Variants in PTPRD observed in about 807,000 individuals in gnomAD.
PTPRD encodes the protein protein tyrosine phosphatase receptor type D.
In PTPRD, 34 loss-of-function variants were observed where a neutral mutation model predicts 214.5. The ratio of observed to expected loss-of-function variants is 0.16; its 90% CI spans 0.12 to 0.21. The LOEUF (loss-of-function observed/expected upper bound fraction) is 0.21. Ranked by LOEUF, PTPRD falls within the 10% of genes least tolerant of loss-of-function variation. PTPRD has a pLI of 1.00. For synonymous variants in PTPRD, 1,128 were observed against 845.7 expected (o/e 1.33, Z -5.79); for missense variants, 2,545 against 2,398.7 (o/e 1.06, Z -1.27).
At chr9:8,504,518 T>C in intron 22 of PTPRD, 113 bp from the exon 23 acceptor site, 2 of 1,231,562 alleles carry the variant, frequency 1.6e-6, no homozygotes, top group East Asian at 2.3e-5. Context: ...CTCATCAAAA[T>C]ATCACCAAAA....
intron 5 of PTPRD, among the ~76,000 whole-genome samples, chr9:9,929,944 C>G (rs910539791): frequency 3.3e-5 from 5 of 152,032 alleles, no homozygotes; most frequent in African/African-American, 9.7e-5. Flanking sequence ...ATGAGGACAC[C>G]AGAGATAATG....
At chr9:8,455,500 T>C (rs977041424) in intron 33 of PTPRD, among the ~76,000 whole-genome samples, 1 of 152,152 alleles carries the variant, frequency 6.6e-6, no homozygotes, top group East Asian at 1.9e-4. Context: ...TTTCAGTGAG[T>C]TCCCAGTTGC....
intron 2 of PTPRD, among the ~76,000 whole-genome samples, chr9:10,569,966 T>C (rs1000282506): frequency 6.6e-6 from 1 of 152,154 alleles, no homozygotes; most frequent in Non-Finnish European, 1.5e-5. Flanking sequence ...ATATATAATA[T>C]GTCTATAAAA....
Position 10,341,553 on chromosome 9 carries a change from G to C in PTPRD, c.-599-536C>G, listed in dbSNP as rs192332080. On this transcript the variant is annotated intron_variant, in intron 2 of 45. Transcript: ENST00000381196. Reference sequence around the variant, plus strand: ...GTTATGTCTTCACACTTTCAATATTGTTAAGCATGTGTCAAGATGGCCACA... The same window carrying C: ...GTTATGTCTTCACACTTTCAATATTCTTAAGCATGTGTCAAGATGGCCACA... Among the ~76,000 whole-genome samples, 20 of 152,026 alleles carry C rather than the reference G, an allele frequency of 1.3e-4. No individual in the cohort carries two copies. In the East Asian group the frequency reaches 3.5e-3, roughly 27 times the overall value.
At chr9:8,571,352 A>T (rs1333923624) in intron 14 of PTPRD, among the ~76,000 whole-genome samples, 1 of 152,154 alleles carries the variant, frequency 6.6e-6, no homozygotes, top group Non-Finnish European at 1.5e-5. Context: ...TTTCCATAAC[A>T]TGCACTCTCA....
At chr9:10,343,244 T>C (rs1397231757) in intron 2 of PTPRD, among the ~76,000 whole-genome samples, 2 of 152,072 alleles carry the variant, frequency 1.3e-5, no homozygotes, top group Admixed American at 6.6e-5. Flanking sequence ...TTTCTGTTCC[T>C]GTGTTAGTTT....
intron 3 of PTPRD, among the ~76,000 whole-genome samples, chr9:10,076,099 C>G (rs1332018105): frequency 3.9e-5 from 6 of 152,066 alleles, no homozygotes; most frequent in Non-Finnish European, 8.8e-5. Context: ...ATTTTCACTG[C>G]CAACATCTTC....
intron 31 of PTPRD, among the ~76,000 whole-genome samples, chr9:8,466,400 G>A (rs541310167): frequency 6.6e-6 from 1 of 151,808 alleles, no homozygotes; most frequent in Admixed American, 6.6e-5. Context: ...TTTTAGTACT[G>A]CCCTGAAGAA....
At chr9:8,558,702 T>A (rs2084955078) in intron 14 of PTPRD, among the ~76,000 whole-genome samples, 1 of 152,236 alleles carries the variant, frequency 6.6e-6, no homozygotes, top group Non-Finnish European at 1.5e-5. Flanking sequence ...TTTAGGTCAG[T>A]TGTCATCACT....
intron 4 of PTPRD, among the ~76,000 whole-genome samples, chr9:9,991,832 C>CCACACACACACACACA (rs56267970): frequency 1.4e-5 from 2 of 147,638 alleles, no homozygotes; most frequent in African/African-American, 5.0e-5. Flanking sequence ...TTCAACAGCA[C>CCACACACACACACACA]CACACACACA....
chr9:9,245,735 G>A (rs373316033), intron 9 of PTPRD, among the ~76,000 whole-genome samples: 1 of 152,054 alleles, frequency 6.6e-6, no homozygotes, highest in Non-Finnish European at 1.5e-5. Flanking sequence ...AAACCTGCAC[G>A]TTGTGCACAT....
intron 2 of PTPRD, among the ~76,000 whole-genome samples, chr9:10,370,437 C>G (rs1044963941): frequency 6.6e-6 from 1 of 152,038 alleles, no homozygotes; most frequent in Non-Finnish European, 1.5e-5. Context: ...TAAGAATTCT[C>G]TGACATAGTA....
intron 35 of PTPRD, among the ~76,000 whole-genome samples, chr9:8,414,515 G>C (rs2093754734): frequency 6.6e-6 from 1 of 151,986 alleles, no homozygotes; most frequent in Non-Finnish European, 1.5e-5. Flanking sequence ...GAACAGTTGT[G>C]CTCCCCAAAG....
chr9:9,043,862 C>A (rs371503416), intron 10 of PTPRD, among the ~76,000 whole-genome samples: 8 of 150,376 alleles, frequency 5.3e-5, no homozygotes, highest in African/African-American at 1.7e-4. Context: ...TGAGATCGCA[C>A]CACTGTACTC....
chr9:9,433,738 G>T lies in PTPRD; in HGVS notation c.-236-36256C>A, dbSNP rs962227835. On this transcript the variant is annotated intron_variant, in intron 8 of 45. Coordinates refer to ENST00000381196, the MANE Select transcript of PTPRD (RefSeq NM_002839.4). ...ATTACTGCATACATATTTACAAGTC[G>T]CAAAAGAATAGCATGCCACTTTAAT... 3.3e-4 allele frequency among the ~76,000 whole-genome samples: 50 copies of T among 151,972 alleles called. 1 individual carries two copies. The highest frequency in any genetic ancestry group is 1.1e-3 in the African/African-American group (46 of 41,362).
chr9:8,791,616 C>A (rs968554669), intron 11 of PTPRD, among the ~76,000 whole-genome samples: 1 of 144,746 alleles, frequency 6.9e-6, no homozygotes, highest in East Asian at 2.1e-4. Context: ...CAACCTGTGT[C>A]TCCCAGTTTC....
chr9:9,758,869 CA>C (rs1408154852), intron 6 of PTPRD, among the ~76,000 whole-genome samples: 1 of 150,824 alleles, frequency 6.6e-6, no homozygotes, highest in African/African-American at 2.4e-5. Context: ...TTAAAATAAT[CA>C]AAACTAATTC....
chr9:10,450,145 T>C (rs2098830736), intron 2 of PTPRD, among the ~76,000 whole-genome samples: 1 of 151,898 alleles, frequency 6.6e-6, no homozygotes, highest in Middle Eastern at 3.4e-3. Flanking sequence ...CCAGAGACCC[T>C]TGTTCACATG....
intron 44 of PTPRD, among the ~76,000 whole-genome samples, chr9:8,330,475 A>C (rs1839105530): frequency 6.6e-6 from 1 of 152,154 alleles, no homozygotes; most frequent in Non-Finnish European, 1.5e-5. Flanking sequence ...AAACTCCCAT[A>C]ACGTCTCTGA....
Sources: gnomAD v4.1 joint callset for allele counts (sites outside exome capture counted in the v4.1 genomes callset) on GRCh38, gnomAD v4.1.1 for gene constraint, MANE v1.5 for transcripts, NCBI Gene and HGNC (gene_info 2026-07-23, HGNC 2026-07-21) for gene names.